The following CEACAM18 variants were observed in gnomAD, a reference collection of about 807,000 sequenced individuals.
CEACAM18 encodes CEA cell adhesion molecule 18.
Under a neutral mutation model 34.3 loss-of-function variants are expected in CEACAM18, and 33 were observed. The ratio of observed to expected loss-of-function variants is 0.96; its 90% CI spans 0.73 to 1.29. CEACAM18 has a LOEUF of 1.29. CEACAM18 is among the 50% of genes most tolerant of loss of function. CEACAM18 has a pLI of 0.00. For missense variants in CEACAM18, 474 were observed against 485.0 expected (o/e 0.98, Z 0.21); for synonymous variants, 169 against 180.9 (o/e 0.93, Z 0.53).
chr19:51,481,613 G>A, exon 3 of CEACAM18: 1 of 1,613,912 alleles, frequency 6.2e-7, no homozygotes, highest in African/African-American at 1.3e-5. Context: ...GCATGATAGA[G>A]AGTTTCCCAG....
At chr19:51,482,577 C>T (rs1280503022) in intron 3 of CEACAM18, among the ~76,000 whole-genome samples, 2 of 152,172 alleles carry the variant, frequency 1.3e-5, no homozygotes, top group African/African-American at 4.8e-5. Context: ...TGCTCCCAGG[C>T]CCTGAGACTG....
chr19:51,482,965 G>T (rs1217028413), intron 3 of CEACAM18, 52 bp from the exon 4 acceptor site: 5 of 1,587,658 alleles, frequency 3.1e-6, no homozygotes, highest in Non-Finnish European at 3.4e-6. Flanking sequence ...TCATGAGACG[G>T]GACGCCGAGG....
exon 6 of CEACAM18, chr19:51,490,683 C>T (rs912743132): frequency 3.6e-5 from 42 of 1,170,404 alleles, no homozygotes; most frequent in Admixed American, 8.5e-5. Flanking sequence ...GCTGGGGGTC[C>T]CCATAGGGCC....
At chr19:51,489,513 A>G (rs1269038261) in intron 5 of CEACAM18, among the ~76,000 whole-genome samples, 1 of 152,110 alleles carries the variant, frequency 6.6e-6, no homozygotes, top group Non-Finnish European at 1.5e-5. Context: ...GGAGACACAC[A>G]GCATACGTGT....
intron 3 of CEACAM18, 79 bp downstream of exon 3, chr19:51,481,744 C>A: frequency 6.9e-7 from 1 of 1,454,150 alleles, no homozygotes; most frequent in Non-Finnish European, 9.2e-7. Context: ...TTAGGACAGG[C>A]TGAGCTGGAG....
chr19:51,481,860 G>A (rs79576980), intron 3 of CEACAM18, among the ~76,000 whole-genome samples, 195 bp downstream of exon 3: 2,388 of 152,288 alleles, frequency 0.016, 26 homozygotes, highest in African/African-American at 0.021. Flanking sequence ...ACTCAGAAAC[G>A]TGGTACACTC....
At chr19:51,479,882 T>C (rs1203244693) in intron 1 of CEACAM18, among the ~76,000 whole-genome samples, 1 of 152,020 alleles carries the variant, frequency 6.6e-6, no homozygotes, top group African/African-American at 2.4e-5. Flanking sequence ...AGGTGCATAG[T>C]GGGGACAGGA....
At chr19:51,480,657 C>A in exon 2 of CEACAM18, 1 of 1,612,668 alleles carries the variant, frequency 6.2e-7, no homozygotes, top group Middle Eastern at 1.7e-4. Context: ...ACCCAAAGAG[C>A]AACCGGCTGG....
chr19:51,484,926 A>T, intron 4 of CEACAM18, 61 bp from the exon 5 acceptor site: 1 of 1,528,878 alleles, frequency 6.5e-7, no homozygotes, highest in South Asian at 1.2e-5. Flanking sequence ...GGGTGAAGAG[A>T]TGAGTGAATG....
chr19:51,486,710 C>CTTTTTTTTTTTTTT (rs1327201659), intron 5 of CEACAM18, among the ~76,000 whole-genome samples: 1 of 144,434 alleles, frequency 6.9e-6, no homozygotes, highest in Non-Finnish European at 1.5e-5. Context: ...TTCTTTCTTT[C>CTTTTTTTTTTTTTT]TTTCTTTTCT....
chr19:51,488,226 A>T (rs1368021178), intron 5 of CEACAM18, among the ~76,000 whole-genome samples: 1 of 152,164 alleles, frequency 6.6e-6, no homozygotes, highest in East Asian at 1.9e-4. Context: ...TGGCCATGAC[A>T]TAGTGGGGAG....
intron 5 of CEACAM18, among the ~76,000 whole-genome samples, chr19:51,488,157 G>A (rs1990035579): frequency 6.6e-6 from 1 of 152,214 alleles, no homozygotes. Flanking sequence ...GGTGGAAACA[G>A]AATTCTCATA....
exon 3 of CEACAM18, chr19:51,481,402 G>A (rs62115071): frequency 0.18 from 284,160 of 1,613,230 alleles, 26,128 homozygotes; most frequent in Middle Eastern, 0.23. Context: ...GAGTTGGGAA[G>A]CAATCTGGGC....
chr19:51,479,948 TGA>T (rs770766859), intron 1 of CEACAM18, among the ~76,000 whole-genome samples: 1 of 152,210 alleles, frequency 6.6e-6, no homozygotes, highest in African/African-American at 2.4e-5. Flanking sequence ...CAGCTCTGGC[TGA>T]GAGTGTTTCA....
chr19:51,485,204 G>A (rs965437352), intron 5 of CEACAM18, 82 bp downstream of exon 5: 7 of 1,358,812 alleles, frequency 5.2e-6, no homozygotes, highest in Non-Finnish European at 6.8e-6. Flanking sequence ...CAGAGGGGAA[G>A]CAGAGCCAGA....
At chr19:51,483,134 A>G in exon 4 of CEACAM18, 2 of 1,614,036 alleles carry the variant, frequency 1.2e-6, no homozygotes, top group Non-Finnish European at 8.5e-7. Context: ...CTGGATCTCA[A>G]GTACCACTGG....
At chr19:51,483,160 C>T in exon 4 of CEACAM18, 2 of 1,614,024 alleles carry the variant, frequency 1.2e-6, no homozygotes, top group Non-Finnish European at 1.7e-6. Context: ...CAATGGCTCC[C>T]TCCTGAACTT....
intron 4 of CEACAM18, 29 bp from the exon 5 acceptor site, chr19:51,484,958 C>T: frequency 6.5e-7 from 1 of 1,535,912 alleles, no homozygotes; most frequent in Non-Finnish European, 8.7e-7. Context: ...CAATCGTGGT[C>T]CTGACCCCCA....
downstream of CEACAM18, chr19:51,491,019 G>C: frequency 5.8e-6 from 1 of 173,132 alleles, no homozygotes; most frequent in Non-Finnish European, 1.2e-5. Flanking sequence ...TATGGCCAAG[G>C]GGTGCCAATC....
Sources: allele counts gnomAD v4.1 joint callset (sites outside exome capture counted in the v4.1 genomes callset), GRCh38; gene constraint gnomAD v4.1.1; transcripts MANE v1.5; gene names NCBI Gene and HGNC (gene_info 2026-07-23, HGNC 2026-07-21).